The following KIAA1549 variants were observed in gnomAD, a reference collection of about 807,000 sequenced individuals.
KIAA1549 encodes KIAA1549.
KIAA1549 carries 70 observed loss-of-function variants against 156.4 expected under a neutral mutation model. The ratio of observed to expected loss-of-function variants is 0.45; its 90% CI spans 0.37 to 0.55. The LOEUF (loss-of-function observed/expected upper bound fraction) is 0.55, where lower values mean the gene tolerates loss of function less well. Ranked by LOEUF, KIAA1549 falls within the 20% of genes least tolerant of loss-of-function variation. KIAA1549 has a pLI of 0.00. For missense variants in KIAA1549, 2,428 were observed against 2,540.9 expected (o/e 0.96, Z 0.96); for synonymous variants, 1,103 against 1,066.4 (o/e 1.03, Z -0.67).
At chr7:138,920,913 G>T (rs1812547398) in intron 1 of KIAA1549, among the ~76,000 whole-genome samples, 1 of 152,218 alleles carries the variant, frequency 6.6e-6, no homozygotes, top group South Asian at 2.1e-4. Context: ...GAACATTTAA[G>T]ATTGCTTAAT....
intron 15 of KIAA1549, among the ~76,000 whole-genome samples, chr7:138,867,197 T>G (rs1374353501): frequency 6.6e-6 from 1 of 152,014 alleles, no homozygotes; most frequent in African/African-American, 2.4e-5. Flanking sequence ...TACAGGGAAA[T>G]AAAACCCTAA....
intron 9 of KIAA1549, among the ~76,000 whole-genome samples, chr7:138,895,654 G>A (rs888458512): frequency 1.3e-5 from 2 of 152,008 alleles, no homozygotes; most frequent in Admixed American, 6.6e-5. Flanking sequence ...CCTTGTGAAC[G>A]TACTGAATGC....
At chr7:138,902,480 G>C (rs1213082325) in intron 8 of KIAA1549, among the ~76,000 whole-genome samples, 1 of 151,892 alleles carries the variant, frequency 6.6e-6, no homozygotes. Flanking sequence ...GTCAGCAGTT[G>C]GTAAAGAAAA....
chr7:138,949,212 T>G (rs1383759263), intron 1 of KIAA1549, among the ~76,000 whole-genome samples: 1 of 152,154 alleles, frequency 6.6e-6, no homozygotes, highest in African/African-American at 2.4e-5. Context: ...TTTCTGTAAT[T>G]TGAAAATTCA....
intron 1 of KIAA1549, among the ~76,000 whole-genome samples, chr7:138,934,851 G>C (rs1812964715): frequency 6.6e-6 from 1 of 152,200 alleles, no homozygotes; most frequent in African/African-American, 2.4e-5. Flanking sequence ...CATGATACCG[G>C]CAGTGGGCAG....
Position 138,903,852 on chromosome 7 carries a change from TGCGCGCGCGC to T in KIAA1549, c.3521-126_3521-117del, listed in dbSNP as rs1169332653. On this transcript the variant is annotated intron_variant, in intron 7 of 19. Transcript: ENST00000422774. ...GTGTGTGTGTGTGTGTGTGTGTGTG[TGCGCGCGCGC>T]GCGCGCGCACATATGTATTTGAAAT... The T allele has an allele frequency of 2.1e-5, 6 of 285,778 alleles. No homozygotes were observed. In the South Asian group the frequency reaches 2.2e-4, roughly 10 times the overall value. 17.7% of individuals were successfully genotyped at this position (285,778 alleles called of 1,614,324 possible).
intron 11 of KIAA1549, 122 bp downstream of exon 11, chr7:138,881,266 G>C: frequency 1.0e-6 from 1 of 952,424 alleles, no homozygotes; most frequent in Non-Finnish European, 1.5e-6. Flanking sequence ...CAAGTCATCA[G>C]TCTGCTGGGC....
At chr7:138,963,494 T>C (rs1584788177) in intron 1 of KIAA1549, among the ~76,000 whole-genome samples, 1 of 152,190 alleles carries the variant, frequency 6.6e-6, no homozygotes, top group South Asian at 2.1e-4. Context: ...AAAGTCAATA[T>C]AAACTACAAC....
At chr7:138,975,868 G>A (rs947183896) in intron 1 of KIAA1549, among the ~76,000 whole-genome samples, 3 of 152,114 alleles carry the variant, frequency 2.0e-5, no homozygotes, top group South Asian at 2.1e-4. Flanking sequence ...TGGCTCCCAC[G>A]TCCCTAGTGA....
Position 138,837,804 on chromosome 7 carries a change from G to T in KIAA1549, c.*102C>A. 1.4e-6 allele frequency: 2 copies of T among 1,379,346 alleles called. No homozygotes were observed. Among genetic ancestry groups the T allele is most frequent in the Non-Finnish European group, 2.0e-6 (2 of 1,020,846 alleles). The allele number at this position is 1,379,346 out of a possible 1,614,324, so 85.4% of individuals were successfully genotyped here. ...GCTCCCTCCCTTGGGCAGGCTGCCC[G>T]AGAGTTGCTCCTTCCTCTTCCAAAC... is the stretch of plus-strand genomic sequence containing the variant. On this transcript the variant is annotated 3_prime_UTR_variant, in exon 20 of 20. Coordinates refer to ENST00000422774, the MANE Select transcript of KIAA1549 (RefSeq NM_001164665.2).
chr7:138,912,352 C>A lies in KIAA1549; in HGVS notation c.2967+20G>T. The A allele has an allele frequency of 6.3e-7, 1 of 1,599,082 alleles. No individual in the cohort carries two copies. The highest frequency in any genetic ancestry group is 1.1e-5 in the South Asian group (1 of 90,776). On this transcript the variant is annotated intron_variant, in intron 3 of 19. Transcript: ENST00000422774. The stretch of plus-strand genomic sequence containing the variant: ...CCCCAGTCTCACCAGACATCACACT[C>A]CTGAGCCACCAGGACTCACCTTCAG...
chr7:138,856,386 G>A (rs1050993160), intron 16 of KIAA1549, among the ~76,000 whole-genome samples: 4 of 151,788 alleles, frequency 2.6e-5, no homozygotes, highest in Admixed American at 6.6e-5. Context: ...CTCTTCTTCC[G>A]CACTGGCTCA....
At chr7:138,962,431 T>C (rs1813882249) in intron 1 of KIAA1549, among the ~76,000 whole-genome samples, 1 of 152,186 alleles carries the variant, frequency 6.6e-6, no homozygotes, top group African/African-American at 2.4e-5. Flanking sequence ...TGTGGACTAG[T>C]CTTGTGATTT....
In KIAA1549 at chr7:138,834,199, G is replaced by A. The variant is rs772242273; in HGVS notation, c.*3707C>T. Reference sequence around the variant, plus strand: ...TTTTGAGACACAGTCTTGCTCTGTCGCCCAGGTTGGAGTACAGTGGTGCAA... The same window carrying A: ...TTTTGAGACACAGTCTTGCTCTGTCACCCAGGTTGGAGTACAGTGGTGCAA... On this transcript the variant is annotated 3_prime_UTR_variant, in exon 20 of 20. Coordinates refer to ENST00000422774, the MANE Select transcript of KIAA1549 (RefSeq NM_001164665.2). The A allele has an allele frequency of 9.9e-5, 19 of 192,428 alleles. No homozygotes were observed. Among genetic ancestry groups the A allele is most frequent in the Non-Finnish European group, 1.5e-4 (14 of 92,104 alleles). 11.9% of individuals were successfully genotyped at this position (192,428 alleles called of 1,614,324 possible). A position where few individuals can be genotyped will look rare whatever the true frequency, so the allele number is the denominator to read the frequency against.
intron 1 of KIAA1549, among the ~76,000 whole-genome samples, chr7:138,971,561 T>C (rs1190355844): frequency 6.6e-6 from 1 of 151,984 alleles, no homozygotes; most frequent in Admixed American, 6.5e-5. Flanking sequence ...CTACGTTATT[T>C]CACTCCTTGC....
At chr7:138,853,600 A>C (rs915281213) in intron 16 of KIAA1549, among the ~76,000 whole-genome samples, 1 of 152,208 alleles carries the variant, frequency 6.6e-6, no homozygotes, top group African/African-American at 2.4e-5. Context: ...CAGAGTTCTA[A>C]GGGGATTATT....
At chr7:138,920,152 C>T (rs1401224062) in intron 1 of KIAA1549, among the ~76,000 whole-genome samples, 2 of 146,162 alleles carry the variant, frequency 1.4e-5, no homozygotes, top group Non-Finnish European at 3.0e-5. Context: ...ACATTCTCAC[C>T]CCCGCCTGGA....
Position 138,893,735 on chromosome 7 carries a change from C to T in KIAA1549, c.4032+607G>A, listed in dbSNP as rs528104865. Among the ~76,000 whole-genome samples, 192 of 152,330 alleles carry T rather than the reference C, an allele frequency of 1.3e-3. 5 individuals carry two copies. The South Asian group carries it at 0.038, about 30-fold the overall frequency. ...AATAGATAAACAGATCTGAGAAAGT[C>T]TGCCTTGGCTCCTATCCTCTGAAAA... On this transcript the variant is annotated intron_variant, in intron 10 of 19. Transcript: ENST00000422774.
intron 17 of KIAA1549, among the ~76,000 whole-genome samples, chr7:138,846,360 C>T (rs1479996975): frequency 6.6e-5 from 10 of 152,096 alleles, no homozygotes; most frequent in African/African-American, 1.2e-4. Flanking sequence ...CATGGTGAAA[C>T]GCCATCTCTA....
Sources: gnomAD v4.1 joint callset for allele counts (sites outside exome capture counted in the v4.1 genomes callset) on GRCh38, gnomAD v4.1.1 for gene constraint, MANE v1.5 for transcripts, NCBI Gene and HGNC (gene_info 2026-07-23, HGNC 2026-07-21) for gene names.